Variants in APP observed in about 807,000 individuals in gnomAD.
APP encodes amyloid beta precursor protein.
A neutral mutation model predicts 101.4 loss-of-function variants in APP; 31 were observed. The observed-to-expected ratio is 0.31, with a 90% CI of 0.23 to 0.41. APP has a LOEUF of 0.41. APP is among the 10% of genes least tolerant of loss of function. The probability of loss-of-function intolerance (pLI) is 1.00; values close to 1 mark genes in which losing one functional copy is unlikely to be tolerated. For missense variants in APP, 839 were observed against 1,003.7 expected (o/e 0.84, Z 2.22); for synonymous variants, 366 against 364.4 (o/e 1.00, Z -0.05).
intron 5 of APP, among the ~76,000 whole-genome samples, chr21:26,047,220 T>C (rs755480516): frequency 2.0e-5 from 3 of 152,168 alleles, no homozygotes; most frequent in Non-Finnish European, 2.9e-5. Context: ...CCATTAGCGA[T>C]AGAAAAACAC....
intron 3 of APP, 107 bp downstream of exon 3, chr21:26,089,836 T>C (rs1029585417): frequency 2.0e-6 from 3 of 1,528,202 alleles, no homozygotes; most frequent in South Asian, 1.2e-5. Flanking sequence ...AGAGTGGCAA[T>C]GTGCTGAAGA....
intron 2 of APP, among the ~76,000 whole-genome samples, chr21:26,101,754 A>G (rs2062062563): frequency 6.6e-6 from 1 of 152,238 alleles, no homozygotes; most frequent in African/African-American, 2.4e-5. Context: ...TCTTGACCAG[A>G]AAGCATTCAT....
At chr21:26,081,568 C>A (rs564396855) in intron 3 of APP, among the ~76,000 whole-genome samples, 1 of 152,266 alleles carries the variant, frequency 6.6e-6, no homozygotes, top group Non-Finnish European at 1.5e-5. Context: ...ATTTTCACTT[C>A]TTTTGTGATT....
At chr21:26,028,031 C>T (rs935551270) in intron 5 of APP, among the ~76,000 whole-genome samples, 4 of 151,920 alleles carry the variant, frequency 2.6e-5, no homozygotes, top group Non-Finnish European at 5.9e-5. Context: ...TCCGTCTCTA[C>T]TAAAAATACA....
At chr21:25,987,636 T>C (rs2042687814) in intron 8 of APP, among the ~76,000 whole-genome samples, 1 of 152,232 alleles carries the variant, frequency 6.6e-6, no homozygotes, top group African/African-American at 2.4e-5. Flanking sequence ...GGTGAATATT[T>C]GCTTCCAAAT....
intron 3 of APP, among the ~76,000 whole-genome samples, chr21:26,062,937 T>G (rs2046329141): frequency 6.6e-6 from 1 of 151,988 alleles, no homozygotes; most frequent in Non-Finnish European, 1.5e-5. Flanking sequence ...AATTTTTTTG[T>G]ATTTTTAGTA....
At chr21:26,053,005 T>C (rs2045897560) in intron 4 of APP, among the ~76,000 whole-genome samples, 1 of 152,166 alleles carries the variant, frequency 6.6e-6, no homozygotes, top group African/African-American at 2.4e-5. Flanking sequence ...ATGGGGAGGC[T>C]GCGCATGTGT....
chr21:25,948,364 C>A (rs1368134327), intron 13 of APP, among the ~76,000 whole-genome samples: 1 of 152,120 alleles, frequency 6.6e-6, no homozygotes, highest in African/African-American at 2.4e-5. Context: ...TTTGAAATAA[C>A]CATGCTGCAT....
intron 13 of APP, among the ~76,000 whole-genome samples, chr21:25,913,634 C>T (rs1601384816): frequency 6.6e-6 from 1 of 152,280 alleles, no homozygotes; most frequent in Middle Eastern, 3.4e-3. Flanking sequence ...ATAACCTTTG[C>T]CAGCGAGAAA....
intron 6 of APP, among the ~76,000 whole-genome samples, chr21:26,005,549 C>G (rs967001451): frequency 6.6e-6 from 1 of 152,078 alleles, no homozygotes; most frequent in Non-Finnish European, 1.5e-5. Context: ...CCTTTACATC[C>G]CTCTCTAGCA....
chr21:25,993,022 G>A (rs2042928635), intron 8 of APP, among the ~76,000 whole-genome samples: 1 of 152,166 alleles, frequency 6.6e-6, no homozygotes, highest in African/African-American at 2.4e-5. Context: ...TCTTTACAAC[G>A]ACCCTGGGGT....
chr21:26,070,970 C>T (rs2061401539), intron 3 of APP, among the ~76,000 whole-genome samples: 1 of 152,124 alleles, frequency 6.6e-6, no homozygotes, highest in African/African-American at 2.4e-5. Flanking sequence ...TACTTTTCTG[C>T]TTGACTGAAT....
chr21:26,101,343 C>T (rs987825519), intron 2 of APP, among the ~76,000 whole-genome samples: 1 of 152,000 alleles, frequency 6.6e-6, no homozygotes, highest in African/African-American at 2.4e-5. Flanking sequence ...GTCACCAGCC[C>T]GACTCGGCCT....
intron 13 of APP, among the ~76,000 whole-genome samples, chr21:25,946,613 C>G (rs1465321994): frequency 1.3e-5 from 2 of 152,130 alleles, no homozygotes; most frequent in Non-Finnish European, 2.9e-5. Flanking sequence ...TTGCAGTGAA[C>G]TGAGATCATG....
chr21:25,894,536 CTT>C (rs2037905514), intron 16 of APP, among the ~76,000 whole-genome samples: 1 of 152,152 alleles, frequency 6.6e-6, no homozygotes, highest in African/African-American at 2.4e-5. Flanking sequence ...GAGTTCAAGA[CTT>C]CAGTAAAGGA....
At chr21:25,997,497 C>CA (rs1246177180) in intron 7 of APP, 81 bp from the exon 8 acceptor site, 8 of 1,263,154 alleles carry the variant, frequency 6.3e-6, no homozygotes, top group Admixed American at 5.2e-5. Context: ...AGTCCACTGA[C>CA]AAAAAAACAA....
chr21:25,938,569 A>G (rs530150542), intron 13 of APP, among the ~76,000 whole-genome samples: 2 of 152,256 alleles, frequency 1.3e-5, no homozygotes, highest in South Asian at 4.1e-4. Flanking sequence ...CACCTGGGGG[A>G]ATAAGAAAAA....
At chr21:26,138,149 G>A (rs191411765) in intron 1 of APP, among the ~76,000 whole-genome samples, 1 of 152,192 alleles carries the variant, frequency 6.6e-6, no homozygotes, top group Admixed American at 6.5e-5. Context: ...AGAAACCTAT[G>A]AACAGAAGTA....
intron 16 of APP, among the ~76,000 whole-genome samples, chr21:25,895,259 G>A (rs770015983): frequency 1.3e-4 from 19 of 151,298 alleles, no homozygotes; most frequent in Non-Finnish European, 2.2e-4. Context: ...TCTGCCTCCT[G>A]GGATCAAGAG....
Sources: allele counts gnomAD v4.1 joint callset (sites outside exome capture counted in the v4.1 genomes callset), GRCh38; gene constraint gnomAD v4.1.1; transcripts MANE v1.5; gene names NCBI Gene and HGNC (gene_info 2026-07-23, HGNC 2026-07-21).